The following PDGFRA variants were observed in gnomAD, a reference collection of about 807,000 sequenced individuals.
PDGFRA encodes platelet derived growth factor receptor alpha.
A neutral mutation model predicts 121.5 loss-of-function variants in PDGFRA; 25 were observed. The observed-to-expected ratio is 0.21, with a 90% CI of 0.15 to 0.29. The LOEUF is 0.29. Ranked by LOEUF, PDGFRA falls within the 10% of genes least tolerant of loss-of-function variation. The pLI is 1.00. For missense variants in PDGFRA, 1,008 were observed against 1,345.1 expected (o/e 0.75, Z 3.92); for synonymous variants, 463 against 494.8 (o/e 0.94, Z 0.85).
At chr4:54,240,072 T>C in intron 1 of PDGFRA, 1 of 415,780 alleles carries the variant, frequency 2.4e-6, no homozygotes, top group Middle Eastern at 3.4e-4. Flanking sequence ...AGACTGGTCT[T>C]GAACTCCTGG....
intron 5 of PDGFRA, 42 bp from the exon 6 acceptor site, chr4:54,267,247 G>A (rs1723075440): frequency 5.0e-6 from 8 of 1,592,974 alleles, no homozygotes; most frequent in Non-Finnish European, 5.2e-6. Context: ...ACTCCTAGGA[G>A]CGAGCTTTTT....
At chr4:54,252,079 A>C (rs1722078036) in intron 1 of PDGFRA, among the ~76,000 whole-genome samples, 1 of 152,198 alleles carries the variant, frequency 6.6e-6, no homozygotes, top group Non-Finnish European at 1.5e-5. Flanking sequence ...TTTCTTCTGC[A>C]ATTTAGGCAG....
chr4:54,283,030 G>GC (rs1724150089), intron 16 of PDGFRA, among the ~76,000 whole-genome samples: 1 of 152,224 alleles, frequency 6.6e-6, no homozygotes, highest in African/African-American at 2.4e-5. Context: ...GCAGGGTTTA[G>GC]CCCCTGCAGC....
chr4:54,261,073 C>T, intron 2 of PDGFRA, 22 bp from the exon 3 acceptor site: 2 of 1,609,082 alleles, frequency 1.2e-6, no homozygotes, highest in Non-Finnish European at 1.7e-6. Flanking sequence ...GCATCCTATT[C>T]AGAGCGTGCT....
At chr4:54,280,950 G>A (rs1322351129) in intron 16 of PDGFRA, among the ~76,000 whole-genome samples, 1 of 151,984 alleles carries the variant, frequency 6.6e-6, no homozygotes, top group Non-Finnish European at 1.5e-5. Flanking sequence ...TGATGTCTAT[G>A]AGTTCAGTAA....
At chr4:54,283,061 G>A (rs1219931831) in intron 16 of PDGFRA, among the ~76,000 whole-genome samples, 5 of 152,320 alleles carry the variant, frequency 3.3e-5, no homozygotes, top group South Asian at 4.1e-4. Context: ...GGCTGTTGTC[G>A]AGTGCCTGTG....
intron 7 of PDGFRA, among the ~76,000 whole-genome samples, chr4:54,268,056 T>C (rs1723140930): frequency 6.6e-6 from 1 of 152,204 alleles, no homozygotes; most frequent in Non-Finnish European, 1.5e-5. Flanking sequence ...AGATTGAATA[T>C]ATTCCCTGAT....
chr4:54,289,281 T>C (rs757132149), intron 21 of PDGFRA, among the ~76,000 whole-genome samples, 167 bp downstream of exon 21: 1 of 152,220 alleles, frequency 6.6e-6, no homozygotes, highest in Non-Finnish European at 1.5e-5. Context: ...GTAGCAATGA[T>C]GAATGAAAAC....
intron 1 of PDGFRA, among the ~76,000 whole-genome samples, chr4:54,247,441 G>A (rs1721748024): frequency 6.6e-6 from 1 of 152,088 alleles, no homozygotes; most frequent in East Asian, 1.9e-4. Flanking sequence ...ATGTAATCCA[G>A]CATGTAAACA....
intron 9 of PDGFRA, 82 bp from the exon 10 acceptor site, chr4:54,273,455 C>A (rs1723513849): frequency 1.8e-6 from 2 of 1,098,024 alleles, no homozygotes; most frequent in Non-Finnish European, 2.8e-6. Context: ...AACTCCTTGC[C>A]ATCTTAGAGT....
rs2110264998 is a variant in PDGFRA, at chr4:54,267,368, C to T, written c.839C>T (p.Ala280Val). ...GTGTACACTTTGACGGTCCCCGAGG[C>T]CACGGTGAAAGACAGTGGAGATTAC... is the stretch of plus-strand genomic sequence containing the variant. ...KLVYTLTVPE[A>V]TVKDSGDYEC... The change falls in exon 6 of 23, where the codon GCC becomes GTC. Residue 280 changes from alanine (A) to valine (V), a missense_variant. Ala to Val is a moderately conservative substitution (Grantham distance 64, BLOSUM62 0). This residue lies in a region of PDGFRA where 575 missense variants were observed against 701.8 expected (regional missense o/e 0.82). Coordinates refer to ENST00000257290, the MANE Select transcript of PDGFRA (RefSeq NM_006206.6). 6.2e-7 allele frequency: 1 copy of T among 1,614,086 alleles called. No homozygotes were observed. Among genetic ancestry groups the T allele is most frequent in the East Asian group, 2.2e-5 (1 of 44,876 alleles).
chr4:54,264,800 A>T, intron 4 of PDGFRA, 119 bp from the exon 5 acceptor site: 2 of 940,132 alleles, frequency 2.1e-6, no homozygotes, highest in Non-Finnish European at 3.3e-6. Context: ...TATCTTGATC[A>T]AACTGGTTTG....
At chr4:54,250,075 T>A (rs114864730) in intron 1 of PDGFRA, among the ~76,000 whole-genome samples, 1,535 of 152,312 alleles carry the variant, frequency 0.01, 27 homozygotes, top group African/African-American at 0.035. Flanking sequence ...TGAATAAGAT[T>A]TTCATGTATT....
At chr4:54,231,938 G>C (rs1316553848) in intron 1 of PDGFRA, among the ~76,000 whole-genome samples, 1 of 152,254 alleles carries the variant, frequency 6.6e-6, no homozygotes. Flanking sequence ...GGGCTTTCCA[G>C]CTGCAAACAC....
In PDGFRA at chr4:54,267,845, A is replaced by G. The variant is rs962488676; in HGVS notation, c.1121+104A>G. The G allele has an allele frequency of 5.6e-6, 5 of 888,594 alleles. No individual in the cohort carries two copies. In the Admixed American group the frequency reaches 9.4e-5, roughly 17 times the overall value. The allele number at this position is 888,594 out of a possible 1,614,324, so 55.0% of individuals were successfully genotyped here. A position where few individuals can be genotyped will look rare whatever the true frequency, so the allele number is the denominator to read the frequency against. On this transcript the variant is annotated intron_variant, in intron 7 of 22. Coordinates refer to ENST00000257290, the MANE Select transcript of PDGFRA (RefSeq NM_006206.6). Reference sequence around the variant, plus strand: ...CCCAGACCCAAAGTCAGTCTAGAAAATGTAACAATCTGAGTTAAGAGATGC... The same window carrying G: ...CCCAGACCCAAAGTCAGTCTAGAAAGTGTAACAATCTGAGTTAAGAGATGC...
At chr4:54,288,708 A>G in intron 19 of PDGFRA, 91 bp from the exon 20 acceptor site, 1 of 818,566 alleles carries the variant, frequency 1.2e-6, no homozygotes, top group African/African-American at 1.7e-5. Context: ...ATAGGATCTG[A>G]AAGGTTTTCT....
chr4:54,262,918 G>T (rs1722833333), intron 3 of PDGFRA, among the ~76,000 whole-genome samples: 1 of 152,188 alleles, frequency 6.6e-6, no homozygotes, highest in Non-Finnish European at 1.5e-5. Flanking sequence ...AGTAGCCCCT[G>T]CATCGCTGTC....
At position 54,289,080 on chromosome 4, in the gene PDGFRA, T is replaced by C; in HGVS notation, c.2846T>C (p.Ile949Thr). Residue 949 changes from isoleucine to threonine, a missense_variant, in exon 21 of 23, where the codon ATT (isoleucine) becomes ACT (threonine). Physicochemically the swap from Ile to Thr is moderately conservative, Grantham distance 89. Around this residue, in one of 5 missense-constraint regions of PDGFRA, gnomAD observed 204 missense variants for 243.0 expected, o/e 0.84. Transcript: ENST00000257290. ...KRPSFYHLSEIVENLLPGQYK... is the reference protein window; with the variant it reads ...KRPSFYHLSETVENLLPGQYK... ...CCCTCCTTTTACCACCTGAGTGAGATTGTGGAGAATCTGCTGCCTGGACAA... is the reference window on the plus strand; with the variant it reads ...CCCTCCTTTTACCACCTGAGTGAGACTGTGGAGAATCTGCTGCCTGGACAA... The C allele has an allele frequency of 1.9e-6, 3 of 1,605,892 alleles. No individual in the cohort carries two copies. The highest frequency in any genetic ancestry group is 2.2e-5 in the East Asian group (1 of 44,840).
At chr4:54,291,531 T>C (rs930943517) in intron 22 of PDGFRA, among the ~76,000 whole-genome samples, 1 of 151,966 alleles carries the variant, frequency 6.6e-6, no homozygotes, top group Non-Finnish European at 1.5e-5. Context: ...GAAAAAATGC[T>C]CAACATCACT....
Sources: allele counts gnomAD v4.1 joint callset (sites outside exome capture counted in the v4.1 genomes callset), GRCh38; gene constraint gnomAD v4.1.1; regional missense constraint gnomAD v4.1.1; transcripts MANE v1.5; gene names NCBI Gene and HGNC (gene_info 2026-07-23, HGNC 2026-07-21).